The following CIITA variants were observed in gnomAD, a reference collection of about 807,000 sequenced individuals.
The protein encoded by CIITA is MHC class II transactivator.
CIITA carries 72 observed loss-of-function variants against 115.1 expected under a neutral mutation model. The ratio of observed to expected loss-of-function variants is 0.63; its 90% CI spans 0.52 to 0.76. The LOEUF (loss-of-function observed/expected upper bound fraction) is 0.76, where lower values mean the gene tolerates loss of function less well. Among genes scored for constraint, CIITA ranks in the 30% least tolerant of loss-of-function variants. CIITA has a pLI of 0.00. For missense variants in CIITA, 1,617 were observed against 1,463.8 expected (o/e 1.10, Z -1.71); for synonymous variants, 763 against 635.6 (o/e 1.20, Z -3.02).
intron 3 of CIITA, 96 bp from the exon 4 acceptor site, chr16:10,898,574 G>A: frequency 2.1e-6 from 2 of 939,286 alleles, no homozygotes; most frequent in Admixed American, 2.6e-5. Flanking sequence ...TCCCCACTGT[G>A]TGCCAGGCCC....
At position 10,923,958 on chromosome 16, in the gene CIITA, T is replaced by C. The variant is rs45617532; in HGVS notation, c.*103T>C. 7.2e-3 allele frequency: 1,098 copies of C among 153,350 alleles called. 2 individuals carry two copies. The highest frequency in any genetic ancestry group is 0.027 in the Middle Eastern group (8 of 296). The allele number at this position is 153,350 out of a possible 1,614,324, so 9.5% of individuals were successfully genotyped here. ...CAGCTCTTCTCCAGGCTGTATCCCA[T>C]GAGCCTCAGCATCCTGGCACCCGGC... On this transcript the variant is annotated 3_prime_UTR_variant, in exon 20 of 20. Transcript: ENST00000324288. The surrounding 1 kb of genome is among the most constrained non-coding windows in gnomAD (Gnocchi z 5.2).
chr16:10,911,423 TTTC>T (rs1265903047), intron 13 of CIITA, among the ~76,000 whole-genome samples: 6 of 150,250 alleles, frequency 4.0e-5, no homozygotes, highest in Non-Finnish European at 8.9e-5. Flanking sequence ...TATCTCTCTC[TTTC>T]TTTCTTTCTT....
intron 1 of CIITA, among the ~76,000 whole-genome samples, chr16:10,883,900 A>G (rs1406732475): frequency 6.6e-6 from 1 of 152,192 alleles, no homozygotes; most frequent in Admixed American, 6.5e-5. Flanking sequence ...CACATCCCTC[A>G]TCTACCTCCG....
chr16:10,929,359 A>G lies in CIITA; in HGVS notation c.*5504A>G. On this transcript the variant is annotated 3_prime_UTR_variant, in exon 20 of 20. Coordinates refer to ENST00000324288, the MANE Select transcript of CIITA (RefSeq NM_000246.4). This position sits in a 1 kb window ranked among gnomAD's most constrained non-coding sequence, Gnocchi z 4.3. The stretch of plus-strand genomic sequence containing the variant: ...CTGGGTTCCTGTAAACATCCATCGC[A>G]GCTGCAAATAATCAGAAGCCAAGGC... The G allele has an allele frequency of 1.0e-6, 1 of 985,924 alleles. No individual in the cohort carries two copies. The highest frequency in any genetic ancestry group is 1.2e-6 in the Non-Finnish European group (1 of 829,958). The allele number at this position is 985,924 out of a possible 1,614,324, so 61.1% of individuals were successfully genotyped here.
At chr16:10,878,803 G>A (rs895023038) in intron 1 of CIITA, among the ~76,000 whole-genome samples, 25 of 152,242 alleles carry the variant, frequency 1.6e-4, no homozygotes, top group African/African-American at 4.8e-4. Flanking sequence ...CCTCTTGGAT[G>A]CCCCAGGCAG....
downstream of CIITA, chr16:10,940,802 T>A (rs2041092396): frequency 6.6e-6 from 1 of 152,282 alleles, no homozygotes; most frequent in Admixed American, 6.5e-5. The surrounding 1 kb of genome is among the most constrained non-coding windows in gnomAD (Gnocchi z 4.2). Flanking sequence ...GACTTGACCA[T>A]CTCAGTGCAA....
intron 14 of CIITA, 72 bp downstream of exon 14, chr16:10,915,722 C>A: frequency 7.3e-7 from 1 of 1,362,112 alleles, no homozygotes; most frequent in Non-Finnish European, 1.0e-6. Context: ...TCACTGCAGC[C>A]TCGAATTCCT....
chr16:10,882,008 A>G (rs912338739), intron 1 of CIITA, among the ~76,000 whole-genome samples: 3 of 152,130 alleles, frequency 2.0e-5, no homozygotes, highest in African/African-American at 7.2e-5. Flanking sequence ...ATTCCTTTCT[A>G]TGGCGGAATA....
chr16:10,872,403 G>A (rs951035491), upstream of CIITA, among the ~76,000 whole-genome samples: 24 of 152,198 alleles, frequency 1.6e-4, no homozygotes, highest in African/African-American at 5.8e-4. Context: ...GATTATAGGC[G>A]TGAGCCACTG....
At chr16:10,876,392 A>T (rs2035846686), upstream of CIITA, among the ~76,000 whole-genome samples, 1 of 152,258 alleles carries the variant, frequency 6.6e-6, no homozygotes, top group Non-Finnish European at 1.5e-5. Context: ...TAACCATTTA[A>T]CAAGAAAGCA....
chr16:10,895,206 G>C, intron 1 of CIITA, 76 bp from the exon 2 acceptor site: 4 of 1,558,284 alleles, frequency 2.6e-6, no homozygotes, highest in Non-Finnish European at 3.5e-6. Context: ...TCACCAGCTG[G>C]GAGTTGTTGT....
intron 1 of CIITA, among the ~76,000 whole-genome samples, chr16:10,894,558 G>A (rs573367281): frequency 2.0e-5 from 3 of 152,286 alleles, no homozygotes; most frequent in East Asian, 3.8e-4. Flanking sequence ...ATCATGTCAG[G>A]ATATTTGAGG....
rs952234079 is a variant in CIITA, at chr16:10,879,354, C to A, written c.52+1972C>A. ...GCAGACTGGGAGCGCGGAGCAGACA[C>A]ACTCCCCCGGCCACCCTTGGCCGAC... On this transcript the variant is annotated intron_variant, in intron 1 of 19. Coordinates refer to ENST00000324288, the MANE Select transcript of CIITA (RefSeq NM_000246.4). This position sits in a 1 kb window ranked among gnomAD's most constrained non-coding sequence, Gnocchi z 4.3. Among the ~76,000 whole-genome samples the A allele has an allele frequency of 3.9e-5, 6 of 152,078 alleles. No individual in the cohort carries two copies. The highest frequency in any genetic ancestry group is 1.4e-4 in the African/African-American group (6 of 41,384).
Position 10,916,424 on chromosome 16 carries a change from C to G in CIITA, c.3027C>G (p.Ala1009=). The G allele has an allele frequency of 6.2e-7, 1 of 1,613,320 alleles. No homozygotes were observed. The highest frequency in any genetic ancestry group is 8.5e-7 in the Non-Finnish European group (1 of 1,179,626). ...ACGAGGGTGTCTCGCAGCTCTCAGC[C>G]ACCTTCCCCCAGCTGAAGTCCTTGG... ...IGDEGVSQLS[A]TFPQLKSLET... The change falls in exon 15 of 20, where the codon GCC becomes GCG. Residue 1009 remains alanine (A), a synonymous_variant. Transcript: ENST00000324288.
At chr16:10,896,882 T>A (rs2038185224) in intron 3 of CIITA, among the ~76,000 whole-genome samples, 1 of 152,262 alleles carries the variant, frequency 6.6e-6, no homozygotes, top group Non-Finnish European at 1.5e-5. Flanking sequence ...TAATTGTTCA[T>A]GTTTCAGAAA....
intron 5 of CIITA, among the ~76,000 whole-genome samples, chr16:10,900,798 G>T (rs913131758): frequency 2.6e-5 from 4 of 151,926 alleles, no homozygotes; most frequent in Non-Finnish European, 4.4e-5. Context: ...TACTATGAAG[G>T]TCCATATACC....
chr16:10,911,071 AC>A (rs1308728540), intron 13 of CIITA, among the ~76,000 whole-genome samples: 5 of 152,052 alleles, frequency 3.3e-5, no homozygotes, highest in African/African-American at 1.2e-4. Context: ...AGAAATGGAG[AC>A]CTAGGCAAGG....
intron 1 of CIITA, among the ~76,000 whole-genome samples, chr16:10,894,552 T>C (rs1183560067): frequency 2.0e-5 from 3 of 152,246 alleles, no homozygotes; most frequent in Non-Finnish European, 4.4e-5. Context: ...ATAATGATCA[T>C]GTCAGGATAT....
chr16:10,915,319 G>C (rs776482024), intron 13 of CIITA, among the ~76,000 whole-genome samples: 18 of 152,084 alleles, frequency 1.2e-4, no homozygotes, highest in Non-Finnish European at 2.5e-4. Context: ...CAAAATGCTG[G>C]AATTACAGAC....
Sources: gnomAD v4.1 joint callset for allele counts (sites outside exome capture counted in the v4.1 genomes callset) on GRCh38, gnomAD v4.1.1 for gene constraint, Gnocchi (gnomAD v3.1) non-coding constraint, MANE v1.5 for transcripts, NCBI Gene and HGNC (gene_info 2026-07-23, HGNC 2026-07-21) for gene names.